L3MBTL1: variants seen among roughly 807,000 people sequenced by gnomAD.
L3MBTL1 encodes L3MBTL histone methyl-lysine binding protein 1.
A neutral mutation model predicts 105.3 loss-of-function variants in L3MBTL1; 75 were observed. The observed-to-expected ratio is 0.71, with a 90% CI of 0.59 to 0.86. The LOEUF is 0.86. Among genes scored for constraint, L3MBTL1 ranks in the 40% least tolerant of loss-of-function variants. The pLI, the probability that L3MBTL1 is intolerant of heterozygous loss-of-function variation, is 0.00. For missense variants in L3MBTL1, 1,069 were observed against 1,126.4 expected (o/e 0.95, Z 0.73); for synonymous variants, 452 against 436.2 (o/e 1.04, Z -0.45).
intron 11 of L3MBTL1, chr20:43,532,307 A>G (rs1181194944): frequency 6.4e-6 from 1 of 155,542 alleles, no homozygotes; most frequent in East Asian, 1.9e-4. Flanking sequence ...GGTTGTTGTA[A>G]AGGTCCAAGG....
At chr20:43,535,816 G>A (rs199631034) in intron 16 of L3MBTL1, 21 bp from the exon 17 acceptor site, 24 of 1,516,910 alleles carry the variant, frequency 1.6e-5, no homozygotes, top group African/African-American at 8.4e-5. Context: ...CATGAGGACC[G>A]CCTCCTTTCT....
At position 43,541,192 on chromosome 20, in the gene L3MBTL1, G is replaced by C; in HGVS notation, c.*64G>C. On this transcript the variant is annotated 3_prime_UTR_variant, in exon 22 of 22. Transcript: ENST00000418998. The stretch of plus-strand genomic sequence containing the variant: ...ATTAAAGTGTATTTTGAATGACACA[G>C]ATATTGTGATTTACTGCAAGGATCC... 6.4e-7 allele frequency: 1 copy of C among 1,565,976 alleles called. No homozygotes were observed.
chr20:43,535,790 C>A, intron 16 of L3MBTL1, 47 bp from the exon 17 acceptor site: 1 of 1,298,452 alleles, frequency 7.7e-7, no homozygotes, highest in Non-Finnish European at 1.1e-6. Context: ...CCCCACACTC[C>A]CCACCCCCAG....
At chr20:43,548,274 C>T (rs1180995304) in exon 19 of L3MBTL1, 4 of 1,298,820 alleles carry the variant, frequency 3.1e-6, no homozygotes, top group African/African-American at 1.5e-5. Flanking sequence ...CTCCTGCAGC[C>T]CCTGCTTGGC....
chr20:43,534,472 G>C, intron 15 of L3MBTL1, 78 bp downstream of exon 15: 1 of 1,105,854 alleles, frequency 9.0e-7, no homozygotes, highest in South Asian at 1.3e-5. Flanking sequence ...GAGGTCAGGG[G>C]CATCATGGCA....
chr20:43,512,858 C>T (rs527788670), intron 1 of L3MBTL1, among the ~76,000 whole-genome samples: 1 of 152,360 alleles, frequency 6.6e-6, no homozygotes, highest in East Asian at 1.9e-4. Context: ...GACTTGACTG[C>T]GTCTTCGTAC....
At chr20:43,528,610 A>G (rs1249014274) in intron 7 of L3MBTL1, 47 bp from the exon 8 acceptor site, 27 of 1,433,528 alleles carry the variant, frequency 1.9e-5, no homozygotes, top group East Asian at 2.3e-5. Flanking sequence ...AGAAAGTCAT[A>G]TATCAGGAAC....
chr20:43,514,670 G>T lies in L3MBTL1; in HGVS notation c.396G>T (p.Ala132=). Residue 132 remains alanine (A), a synonymous_variant, in exon 4 of 22, where the codon GCG becomes GCT. Coordinates refer to ENST00000418998, the MANE Select transcript of L3MBTL1 (RefSeq NM_001377303.1). ...RISEYKPLNM[A]GVEQPPSPEL... The stretch of plus-strand genomic sequence containing the variant: ...GCGAGTATAAGCCGCTGAACATGGC[G>T]GGAGTGGAGCAGCCCCCGAGCCCCG... The T allele has an allele frequency of 6.3e-7, 1 of 1,592,000 alleles. No individual in the cohort carries two copies.
chr20:43,533,949 G>A, intron 13 of L3MBTL1, 59 bp from the exon 14 acceptor site: 2 of 1,210,604 alleles, frequency 1.7e-6, no homozygotes, highest in South Asian at 2.4e-5. Flanking sequence ...CTGCTTGGGG[G>A]CAGAGGGCTT....
intron 7 of L3MBTL1, among the ~76,000 whole-genome samples, chr20:43,526,274 T>G (rs201658918): frequency 6.6e-6 from 1 of 151,966 alleles, no homozygotes; most frequent in African/African-American, 2.4e-5. Flanking sequence ...GAAATGGCTG[T>G]TGGGAAGGGT....
Position 43,541,586 on chromosome 20 carries a change from A to ATTTTCATAT in L3MBTL1, c.*459_*460insTTTCATATT, listed in dbSNP as rs2019918464. 6.2e-6 allele frequency: 1 copy of ATTTTCATAT among 161,278 alleles called. No homozygotes were observed. The highest frequency in any genetic ancestry group is 1.4e-5 in the Non-Finnish European group (1 of 74,058). The allele number at this position is 161,278 out of a possible 1,614,324, so 10.0% of individuals were successfully genotyped here. On this transcript the variant is annotated 3_prime_UTR_variant, in exon 22 of 22. Transcript: ENST00000418998. ...AGATGTTATATGTATTTTTATTTAC[A>ATTTTCATAT]TGTATATTTTCACATGAAATACCAA...
At chr20:43,518,608 G>A (rs2018528263) in intron 7 of L3MBTL1, among the ~76,000 whole-genome samples, 1 of 151,960 alleles carries the variant, frequency 6.6e-6, no homozygotes, top group Admixed American at 6.6e-5. Context: ...TATCTGCAGG[G>A]AATACATTCC....
At chr20:43,530,569 T>C in intron 10 of L3MBTL1, 150 bp downstream of exon 10, 1 of 956,406 alleles carries the variant, frequency 1.0e-6, no homozygotes, top group Non-Finnish European at 1.6e-6. Context: ...CTGATGACTC[T>C]GCGCTGGGGC....
At chr20:43,514,589 A>G (rs1352222092) in intron 3 of L3MBTL1, 46 bp from the exon 4 acceptor site, 2 of 1,599,356 alleles carry the variant, frequency 1.3e-6, no homozygotes, top group Non-Finnish European at 1.7e-6. Flanking sequence ...AGATGGGTCA[A>G]GGACCCGTAC....
chr20:43,515,104 G>T lies in L3MBTL1; in HGVS notation c.598G>T (p.Ala200Ser), dbSNP rs1478588605. 6.2e-7 allele frequency: 1 copy of T among 1,614,170 alleles called. No homozygotes were observed. The highest frequency in any genetic ancestry group is 2.2e-5 in the East Asian group (1 of 44,888). The change falls in exon 5 of 22, where the codon GCG becomes TCG. Residue 200 changes from alanine to serine, a missense_variant. Coordinates refer to ENST00000418998, the MANE Select transcript of L3MBTL1 (RefSeq NM_001377303.1). ...CCAGGCGTGCGGGCCTCACCAAGCC[G>T]CGGGTCCAGATCTTGGTTCCTCTAA... ...QCQACGPHQAAGPDLGSSNDG... is the reference protein window; with the variant it reads ...QCQACGPHQASGPDLGSSNDG...
Position 43,530,288 on chromosome 20 carries a change from G to A in L3MBTL1, c.1061G>A (p.Cys354Tyr). 2.5e-6 allele frequency: 4 copies of A among 1,613,972 alleles called. No homozygotes were observed. Among genetic ancestry groups the A allele is most frequent in the Non-Finnish European group, 3.4e-6 (4 of 1,179,942 alleles). Residue 354 changes from cysteine to tyrosine, a missense_variant, in exon 10 of 22, where the codon TGT (cysteine) becomes TAT (tyrosine). Transcript: ENST00000418998. Reference protein sequence around the residue: ...MYFILTVAEVCGYRLRLHFDG... With the variant: ...MYFILTVAEVYGYRLRLHFDG... The stretch of plus-strand genomic sequence containing the variant: ...TGATTCCCCTCATGGGGCCAGGTAT[G>A]TGGCTATCGCCTACGCCTGCACTTT...
rs1385837994 is a variant in L3MBTL1, at chr20:43,522,494, C to CAGG, written c.863-6161_863-6159dup. 5.4e-3 allele frequency among the ~76,000 whole-genome samples: 392 copies of CAGG among 72,948 alleles called. No homozygotes were observed. In the Middle Eastern group the frequency reaches 0.077, roughly 14 times the overall value. The allele number at this position is 72,948 out of a possible 152,430, so 47.9% of individuals were successfully genotyped here. A position where few individuals can be genotyped will look rare whatever the true frequency, so the allele number is the denominator to read the frequency against. Reference sequence around the variant, plus strand: ...TTTTTTTTTTTTTTTTTTTTGGAGACAGGATCTGGCTCTATCACCCAGGCT... The same window carrying CAGG: ...TTTTTTTTTTTTTTTTTTTTGGAGACAGGAGGATCTGGCTCTATCACCCAGGCT... On this transcript the variant is annotated intron_variant, in intron 7 of 21. Coordinates refer to ENST00000418998, the MANE Select transcript of L3MBTL1 (RefSeq NM_001377303.1).
chr20:43,528,682 G>C lies in L3MBTL1; in HGVS notation c.888G>C (p.Trp296Cys), dbSNP rs1459503022. Residue 296 changes from tryptophan to cysteine, a missense_variant, in exon 8 of 22, where the codon TGG (tryptophan) becomes TGC (cysteine). Trp to Cys is a radical substitution (Grantham distance 215). Transcript: ENST00000418998. ...QPATGEKKEC[W>C]SWESYLEEQK... ...CAACAGGTGAGAAGAAGGAATGCTGGTCGTGGGAGTCCTACCTAGAGGAGC... is the reference window on the plus strand; with the variant it reads ...CAACAGGTGAGAAGAAGGAATGCTGCTCGTGGGAGTCCTACCTAGAGGAGC... 1 of 1,614,170 alleles carries C rather than the reference G, an allele frequency of 6.2e-7. No individual in the cohort carries two copies. The highest frequency in any genetic ancestry group is 1.7e-5 in the Admixed American group (1 of 60,028).
intron 7 of L3MBTL1, among the ~76,000 whole-genome samples, chr20:43,522,456 AGTTTTTTTTTTTTT>A (rs995759216): frequency 4.5e-5 from 4 of 89,874 alleles, no homozygotes; most frequent in Admixed American, 1.4e-4. Flanking sequence ...TTCCCTGCTA[AGTTTTTTTTTTTTT>A]TTTTTTTTTT....
Sources: gnomAD v4.1 joint callset for allele counts (sites outside exome capture counted in the v4.1 genomes callset) on GRCh38, gnomAD v4.1.1 for gene constraint, MANE v1.5 for transcripts, NCBI Gene and HGNC (gene_info 2026-07-23, HGNC 2026-07-21) for gene names.